Variants in CCDC154 observed in about 807,000 individuals in gnomAD.
CCDC154 encodes the protein coiled-coil domain containing 154, also known as coiled-coil domain-containing protein 154.
In CCDC154, 91 loss-of-function variants were observed where a neutral mutation model predicts 87.5. The observed-to-expected ratio is 1.04, with a 90% CI of 0.88 to 1.24. The LOEUF (loss-of-function observed/expected upper bound fraction) is 1.24. Among genes scored for constraint, CCDC154 ranks in the 50% most tolerant of loss-of-function variants. The pLI is 0.00. For synonymous variants in CCDC154, 418 were observed against 400.4 expected, an observed-to-expected ratio of 1.04 and a Z score of -0.52; for missense variants, 903 against 879.2, an observed-to-expected ratio of 1.03 and a Z score of -0.34.
chr16:1,442,125 C>T (rs2038557261), intron 6 of CCDC154, among the ~76,000 whole-genome samples: 1 of 152,052 alleles, frequency 6.6e-6, no homozygotes, highest in Admixed American at 6.5e-5. Flanking sequence ...ACCATGTTGG[C>T]CAGGCTGGTC....
At chr16:1,442,042 CAGT>C (rs151014477) in intron 6 of CCDC154, among the ~76,000 whole-genome samples, 3,716 of 152,222 alleles carry the variant, frequency 0.024, 145 homozygotes, top group African/African-American at 0.084. Flanking sequence ...TCAGCCTCCT[CAGT>C]AGCTGAGGCT....
chr16:1,442,515 G>C lies in CCDC154; in HGVS notation c.566C>G (p.Thr189Ser). The change falls in exon 6 of 17, where the codon ACC becomes AGC. Residue 189 changes from threonine to serine, a missense_variant. By Grantham distance (58) the Thr-to-Ser change is moderately conservative (BLOSUM62 1). Transcript: ENST00000389176. Reference sequence around the variant, plus strand: ...CTGCTCCTCCTGCTGCAGCAAGTCGGTCAGCTTGGCCAGTCTAGAGAAGTC... The same window carrying C: ...CTGCTCCTCCTGCTGCAGCAAGTCGCTCAGCTTGGCCAGTCTAGAGAAGTC... ...QEAGLRLAKLTDLLQQEEQGR... is the reference protein window; with the variant it reads ...QEAGLRLAKLSDLLQQEEQGR... 6.5e-7 allele frequency: 1 copy of C among 1,546,342 alleles called. No homozygotes were observed. The highest frequency in any genetic ancestry group is 8.7e-7 in the Non-Finnish European group (1 of 1,145,014).
Position 1,435,993 on chromosome 16 carries a change from C to T in CCDC154, c.1581G>A (p.Ala527=), listed in dbSNP as rs1171255858. Residue 527 remains alanine (A), a synonymous_variant, in exon 14 of 17, where the codon GCG becomes GCA. Coordinates refer to ENST00000389176, the MANE Select transcript of CCDC154 (RefSeq NM_001143980.3). Reference sequence around the variant, plus strand: ...CCGTGGCCAGCTTGCCCTGCATCTCCGCGATCTTCCGCCCAGGGTTGTCTT... The same window carrying T: ...CCGTGGCCAGCTTGCCCTGCATCTCTGCGATCTTCCGCCCAGGGTTGTCTT... ...LKEDNPGRKI[A]EMQGKLATFQ... is the part of the protein sequence containing the mutation. 5 of 1,550,168 alleles carry T rather than the reference C, an allele frequency of 3.2e-6. No homozygotes were observed. Among genetic ancestry groups the T allele is most frequent in the African/African-American group, 2.7e-5 (2 of 73,052 alleles).
In CCDC154 at chr16:1,442,937, C is replaced by T; in HGVS notation, c.494G>A (p.Arg165Lys). 1 of 1,550,054 alleles carries T rather than the reference C, an allele frequency of 6.5e-7. No individual in the cohort carries two copies. Among genetic ancestry groups the T allele is most frequent in the Non-Finnish European group, 8.7e-7 (1 of 1,146,836 alleles). Residue 165 changes from arginine to lysine, a missense_variant, in exon 5 of 17, where the codon AGG becomes AAG. Arg to Lys is a conservative substitution (Grantham distance 26). Coordinates refer to ENST00000389176, the MANE Select transcript of CCDC154 (RefSeq NM_001143980.3). ...CTCCGCCTCCTGTTGCACCTGCCTC[C>T]TCCTGAGCCGGGTCAAGGCTTCCCG... ...EVREALTRLR[R>K]RQVQQEAERR...
At chr16:1,443,066 C>T (rs1293986061) in intron 4 of CCDC154, 91 bp from the exon 5 acceptor site, 6 of 1,461,110 alleles carry the variant, frequency 4.1e-6, no homozygotes, top group Non-Finnish European at 5.6e-6. Context: ...CTGTGGCCAC[C>T]TCCCATGGCT....
Position 1,436,647 on chromosome 16 carries a change from C to CCTCCAAGGCCCAAGTA in CCDC154, c.1410+29_1410+44dup, listed in dbSNP as rs759709659. ...GTGCAGGGAGAAGGGTCCCACGCCA[C>CCTCCAAGGCCCAAGTA]CTCCAAGGCCCAAGTACACCAAGGC... is the stretch of plus-strand genomic sequence containing the variant. On this transcript the variant is annotated intron_variant, in intron 12 of 16. Coordinates refer to ENST00000389176, the MANE Select transcript of CCDC154 (RefSeq NM_001143980.3). The CCTCCAAGGCCCAAGTA allele has an allele frequency of 4.3e-5, 66 of 1,547,786 alleles. No individual in the cohort carries two copies. In the African/African-American group the frequency reaches 8.5e-4, roughly 20 times the overall value.
intron 6 of CCDC154, among the ~76,000 whole-genome samples, chr16:1,439,473 G>A (rs1237038587): frequency 3.9e-5 from 6 of 152,118 alleles, no homozygotes; most frequent in African/African-American, 7.2e-5. Context: ...CCCCATGCAC[G>A]GGGAGCCAGG....
intron 11 of CCDC154, 102 bp from the exon 12 acceptor site, chr16:1,436,913 C>A: frequency 2.1e-6 from 3 of 1,454,668 alleles, no homozygotes; most frequent in South Asian, 1.3e-5. Context: ...GCCCCCACCC[C>A]CACTTCCAGC....
rs1048672057 is a variant in CCDC154, at chr16:1,435,070, C to T, written c.1692+19G>A. ...GCGGGTGGGAGCTGGGCGGTGCCGG[C>T]CGGGCAAGGCCTCCTCACCAGCCGG... On this transcript the variant is annotated intron_variant, in intron 15 of 16. Transcript: ENST00000389176. 39 of 1,546,294 alleles carry T rather than the reference C, an allele frequency of 2.5e-5. No homozygotes were observed. The highest frequency in any genetic ancestry group is 3.1e-5 in the Non-Finnish European group (35 of 1,144,978).
Position 1,443,837 on chromosome 16 carries a change from G to A in CCDC154, c.183C>T (p.Pro61=), listed in dbSNP as rs773062906. ...TCCAGTGCTTGGCGGTGTCCTGCTC[G>A]GGGACAGAGGCCGTGGATGTCGGAT... ...SSHPTSTASV[P]EQDTAKHWNQ... The change falls in exon 2 of 17, where the codon CCC becomes CCT. Residue 61 remains proline (P), a synonymous_variant. Transcript: ENST00000389176. The A allele has an allele frequency of 1.1e-5, 14 of 1,304,446 alleles. No individual in the cohort carries two copies. The South Asian group carries it at 1.1e-4, about 10-fold the overall frequency. 80.8% of individuals were successfully genotyped at this position (1,304,446 alleles called of 1,614,324 possible).
At chr16:1,442,773 G>A (rs572337328) in intron 5 of CCDC154, 107 bp downstream of exon 5, 48 of 1,212,700 alleles carry the variant, frequency 4.0e-5, no homozygotes, top group Non-Finnish European at 5.0e-5. Flanking sequence ...GTGCCCCGCC[G>A]GGTTACTGGG....
intron 14 of CCDC154, 71 bp from the exon 15 acceptor site, chr16:1,435,246 C>G (rs1277935858): frequency 3.0e-6 from 4 of 1,340,060 alleles, no homozygotes; most frequent in Non-Finnish European, 4.2e-6. Flanking sequence ...ACAGGCACCC[C>G]GATATCCACT....
rs2038592291 is a variant in CCDC154, at chr16:1,444,438, T to C, written c.-116A>G. 2 of 1,087,116 alleles carry C rather than the reference T, an allele frequency of 1.8e-6. No homozygotes were observed. 67.3% of individuals were successfully genotyped at this position (1,087,116 alleles called of 1,614,324 possible). Reference sequence around the variant, plus strand: ...GGGTCAGGAGCCAGAGGAAGTCCCGTGAGAGCTCTGGGCCTTGAGGGACGA... The same window carrying C: ...GGGTCAGGAGCCAGAGGAAGTCCCGCGAGAGCTCTGGGCCTTGAGGGACGA... On this transcript the variant is annotated 5_prime_UTR_variant, in exon 1 of 17. Coordinates refer to ENST00000389176, the MANE Select transcript of CCDC154 (RefSeq NM_001143980.3).
Position 1,438,083 on chromosome 16 carries a change from C to A in CCDC154, c.1119G>T (p.Leu373=). The A allele has an allele frequency of 6.5e-7, 1 of 1,548,752 alleles. No homozygotes were observed. Among genetic ancestry groups the A allele is most frequent in the Non-Finnish European group, 8.7e-7 (1 of 1,146,048 alleles). The change falls in exon 10 of 17, where the codon CTG becomes CTT. Residue 373 remains leucine, a synonymous_variant. Coordinates refer to ENST00000389176, the MANE Select transcript of CCDC154 (RefSeq NM_001143980.3). ...GCTCTCCATGCATCTCCTGCCGGGC[C>A]AGCTCGCCAGCCAGCTGTGCGGCCT... is the stretch of plus-strand genomic sequence containing the variant. ...NLEAAQLAGE[L]ARQEMHGELV...
At chr16:1,440,026 A>G (rs1260091840) in intron 6 of CCDC154, among the ~76,000 whole-genome samples, 8 of 151,886 alleles carry the variant, frequency 5.3e-5, no homozygotes, top group Non-Finnish European at 8.8e-5. Flanking sequence ...AGCTGTCTGT[A>G]ATCCCAGCTA....
Position 1,438,652 on chromosome 16 carries a change from A to C in CCDC154, c.992T>G (p.Leu331Arg), listed in dbSNP as rs1172119308. The change falls in exon 9 of 17, where the codon CTG becomes CGG. Residue 331 changes from leucine (L) to arginine (R), a missense_variant. Leu to Arg is a moderately radical substitution (Grantham distance 102). Transcript: ENST00000389176. ...CTCCTCGGCCAGTAGGACACGGTTC[A>C]GCGACGCCTGGTTCTGCTGCACAAA... ...TKFVQQNQAS[L>R]NRVLLAEEKA... is the part of the protein sequence containing the mutation. The C allele has an allele frequency of 1.3e-6, 2 of 1,550,134 alleles. No individual in the cohort carries two copies. Among genetic ancestry groups the C allele is most frequent in the Non-Finnish European group, 1.7e-6 (2 of 1,146,812 alleles).
At position 1,438,036 on chromosome 16, in the gene CCDC154, C is replaced by A. The variant is rs754415127; in HGVS notation, c.1152+14G>T. 2 of 1,545,616 alleles carry A rather than the reference C, an allele frequency of 1.3e-6. No homozygotes were observed. Among genetic ancestry groups the A allele is most frequent in the South Asian group, 2.4e-5 (2 of 83,682 alleles). On this transcript the variant is annotated intron_variant, in intron 10 of 16. Coordinates refer to ENST00000389176, the MANE Select transcript of CCDC154 (RefSeq NM_001143980.3). ...GGGAGACCCCGTTGGGGACATGTTG[C>A]GCTACCCCCTCACCAGCACCAGCTC...
chr16:1,440,720 A>G (rs991744060), intron 6 of CCDC154, among the ~76,000 whole-genome samples: 1 of 151,450 alleles, frequency 6.6e-6, no homozygotes, highest in African/African-American at 2.4e-5. Flanking sequence ...GGAGGCCGAG[A>G]TGGGCAGATC....
In CCDC154 at chr16:1,444,481, G is replaced by T; in HGVS notation, c.-159C>A. 1.4e-6 allele frequency: 1 copy of T among 708,184 alleles called. No individual in the cohort carries two copies. The highest frequency in any genetic ancestry group is 2.0e-6 in the Non-Finnish European group (1 of 503,968). 43.9% of individuals were successfully genotyped at this position (708,184 alleles called of 1,614,324 possible). A position where few individuals can be genotyped will look rare whatever the true frequency, so the allele number is the denominator to read the frequency against. ...AGGGACGAGCTGCTGCCCTCGTCTG[G>T]CTGCCTTCTCAGGGTCCCCAGGGAG... On this transcript the variant is annotated 5_prime_UTR_variant, in exon 1 of 17. Transcript: ENST00000389176.
Sources: gnomAD v4.1 joint callset for allele counts (sites outside exome capture counted in the v4.1 genomes callset) on GRCh38, gnomAD v4.1.1 for gene constraint, MANE v1.5 for transcripts, NCBI Gene and HGNC (gene_info 2026-07-23, HGNC 2026-07-21) for gene names.